The following NOL11 variants were observed in gnomAD, a reference collection of about 807,000 sequenced individuals.
NOL11 encodes nucleolar protein 11.
A neutral mutation model predicts 93.0 loss-of-function variants in NOL11; 42 were observed. The ratio of observed to expected loss-of-function variants is 0.45; its 90% CI spans 0.35 to 0.58. The LOEUF (loss-of-function observed/expected upper bound fraction) is 0.58. Ranked by LOEUF, NOL11 falls within the 20% of genes least tolerant of loss-of-function variation. NOL11 has a pLI of 0.00. For synonymous variants in NOL11, 296 were observed against 293.7 expected, an observed-to-expected ratio of 1.01 and a Z score of -0.08; for missense variants, 775 against 841.8, an observed-to-expected ratio of 0.92 and a Z score of 0.98.
Position 67,734,345 on chromosome 17 carries a change from TTA to T in NOL11, c.854-16_854-15del, listed in dbSNP as rs1222396780. On this transcript the variant is annotated splice_polypyrimidine_tract_variant and intron_variant, in intron 7 of 17. Transcript: ENST00000253247. The stretch of plus-strand genomic sequence containing the variant: ...TTATACTTGGGACTTTTTTCTGAAT[TTA>T]TGTCTTATTTTATAGAATGCCTCTC... 1 of 1,470,392 alleles carries T rather than the reference TTA, an allele frequency of 6.8e-7. No individual in the cohort carries two copies. The highest frequency in any genetic ancestry group is 1.2e-5 in the South Asian group (1 of 86,516). 91.1% of individuals were successfully genotyped at this position (1,470,392 alleles called of 1,614,324 possible).
chr17:67,730,881 C>A (rs1255374603), intron 7 of NOL11, among the ~76,000 whole-genome samples: 1 of 152,212 alleles, frequency 6.6e-6, no homozygotes, highest in Non-Finnish European at 1.5e-5. Flanking sequence ...TTTACATTCC[C>A]ACCGGCATTG....
chr17:67,729,859 G>A (rs1187360116), intron 7 of NOL11, among the ~76,000 whole-genome samples: 3 of 152,142 alleles, frequency 2.0e-5, no homozygotes, highest in Non-Finnish European at 4.4e-5. Flanking sequence ...GATTACAGGC[G>A]TGAGCCACCG....
intron 4 of NOL11, 122 bp from the exon 5 acceptor site, chr17:67,722,458 C>T (rs1017283708): frequency 1.4e-6 from 2 of 1,413,508 alleles, no homozygotes; most frequent in Non-Finnish European, 9.3e-7. Flanking sequence ...ATTAAGTGTT[C>T]TCTGATGTCT....
In NOL11 at chr17:67,726,484, C is replaced by G. The variant is rs781034394; in HGVS notation, c.689C>G (p.Thr230Ser). 1.9e-6 allele frequency: 3 copies of G among 1,612,914 alleles called. No homozygotes were observed. The highest frequency in any genetic ancestry group is 2.5e-6 in the Non-Finnish European group (3 of 1,179,630). ...GGCTCTGATGGTTGTATATATGAAA[C>G]CTTGATACCAATACGTCCAGCTGAC... ...SLSSDGCIYE[T>S]LIPIRPADPE... The change falls in exon 7 of 18, where the codon ACC (threonine) becomes AGC (serine). Residue 230 changes from threonine to serine, a missense_variant. Thr to Ser is a moderately conservative substitution (Grantham distance 58). This residue lies in a region of NOL11 where 359 missense variants were observed against 316.5 expected (regional missense o/e 1.13). Coordinates refer to ENST00000253247, the MANE Select transcript of NOL11 (RefSeq NM_015462.5).
chr17:67,724,268 G>A (rs780044943), intron 6 of NOL11, 75 bp downstream of exon 6: 25 of 865,672 alleles, frequency 2.9e-5, no homozygotes, highest in East Asian at 1.1e-4. Flanking sequence ...TTTTTGAATC[G>A]TAGACTTTGT....
chr17:67,722,415 G>A (rs749903500), intron 4 of NOL11, among the ~76,000 whole-genome samples, 165 bp from the exon 5 acceptor site: 10 of 152,132 alleles, frequency 6.6e-5, no homozygotes, highest in Non-Finnish European at 1.2e-4. Context: ...TGACAAATGC[G>A]TATTGCTTGT....
At chr17:67,722,694 A>C in intron 5 of NOL11, 57 bp downstream of exon 5, 1 of 1,494,986 alleles carries the variant, frequency 6.7e-7, no homozygotes, top group South Asian at 1.3e-5. Flanking sequence ...AAAAAAAAAA[A>C]TTTATTTAGA....
chr17:67,717,980 T>C lies in NOL11; in HGVS notation c.33T>C (p.Ser11=), dbSNP rs1261307052. The change falls in exon 1 of 18, where the codon TCT becomes TCC. Residue 11 remains serine (S), a synonymous_variant. Coordinates refer to ENST00000253247, the MANE Select transcript of NOL11 (RefSeq NM_015462.5). The part of the protein sequence containing the change: MAALEEEFTL[S]SVVLSAGPEG... ...CGCTGGAGGAAGAATTCACGTTGTC[T>C]TCGGTAGTCCTGAGCGCCGGGCCTG... 6 of 1,614,226 alleles carry C rather than the reference T, an allele frequency of 3.7e-6. No individual in the cohort carries two copies. Among genetic ancestry groups the C allele is most frequent in the Non-Finnish European group, 4.2e-6 (5 of 1,180,034 alleles).
In NOL11 at chr17:67,737,896, T is replaced by C. The variant is rs2055217638; in HGVS notation, c.1453T>C (p.Leu485=). The C allele has an allele frequency of 6.2e-7, 1 of 1,613,438 alleles. No homozygotes were observed. Among genetic ancestry groups the C allele is most frequent in the Non-Finnish European group, 8.5e-7 (1 of 1,179,812 alleles). The part of the protein sequence containing the change: ...EIALKKKDVQ[L]LQLCLQQFPD... The stretch of plus-strand genomic sequence containing the variant: ...TGCCTTAAAAAAGAAAGATGTACAG[T>C]TGTTACAACTCTGTCTACAGCAGTT... Residue 485 remains leucine, a synonymous_variant, in exon 13 of 18, where the codon TTG becomes CTG. Transcript: ENST00000253247.
intron 8 of NOL11, among the ~76,000 whole-genome samples, chr17:67,735,474 G>A (rs1371830178): frequency 6.7e-6 from 1 of 148,446 alleles, no homozygotes. Flanking sequence ...TTATTTCCTT[G>A]TTCCCTCAGG....
chr17:67,731,148 A>G (rs2055150782), intron 7 of NOL11, among the ~76,000 whole-genome samples: 1 of 151,834 alleles, frequency 6.6e-6, no homozygotes. Context: ...AGCATTCTTT[A>G]TATATTCTAG....
At chr17:67,733,226 G>C (rs535125923) in intron 7 of NOL11, among the ~76,000 whole-genome samples, 2 of 151,960 alleles carry the variant, frequency 1.3e-5, no homozygotes, top group Non-Finnish European at 2.9e-5. Context: ...TTAGCTGGGC[G>C]TGGTGGCATG....
At chr17:67,731,623 AG>A (rs1347619971) in intron 7 of NOL11, among the ~76,000 whole-genome samples, 71 of 152,356 alleles carry the variant, frequency 4.7e-4, no homozygotes, top group African/African-American at 1.7e-3. Context: ...AAGGTCATAA[AG>A]ACTTATCCCC....
In NOL11 at chr17:67,724,224, T is replaced by A. The variant is rs530298553; in HGVS notation, c.664+31T>A. 4 of 1,360,528 alleles carry A rather than the reference T, an allele frequency of 2.9e-6. No individual in the cohort carries two copies. In the African/African-American group the frequency reaches 5.8e-5, roughly 20 times the overall value. 84.3% of individuals were successfully genotyped at this position (1,360,528 alleles called of 1,614,324 possible). On this transcript the variant is annotated intron_variant, in intron 6 of 17. Transcript: ENST00000253247. The stretch of plus-strand genomic sequence containing the variant: ...TTTTCTTTCTTTAAACTTTCAGAGA[T>A]TATAAATAGAGGATTGTTATAGGAT...
intron 16 of NOL11, among the ~76,000 whole-genome samples, chr17:67,740,292 A>T (rs2143142278): frequency 6.6e-6 from 1 of 151,586 alleles, no homozygotes; most frequent in Middle Eastern, 3.4e-3. Flanking sequence ...ATTCCCAGAG[A>T]ATCCCATGGT....
At chr17:67,721,315 A>G in intron 3 of NOL11, 63 bp from the exon 4 acceptor site, 1 of 1,038,240 alleles carries the variant, frequency 9.6e-7, no homozygotes, top group Non-Finnish European at 1.3e-6. Context: ...CCTTCTCTAA[A>G]TATCCTTATA....
intron 5 of NOL11, among the ~76,000 whole-genome samples, 195 bp downstream of exon 5, chr17:67,722,832 C>T (rs2043228695): frequency 6.6e-6 from 1 of 152,074 alleles, no homozygotes; most frequent in Non-Finnish European, 1.5e-5. Flanking sequence ...GCTGGGACTA[C>T]AGGCATGCAC....
chr17:67,737,209 T>A lies in NOL11; in HGVS notation c.1218+64T>A, dbSNP rs936837526. On this transcript the variant is annotated intron_variant, in intron 11 of 17. Transcript: ENST00000253247. ...AGTGTTCCAAAGAAATCGCATCTAC[T>A]CTTCGTTCTGTCTTATTTTTATGAT... 3 of 960,310 alleles carry A rather than the reference T, an allele frequency of 3.1e-6. No individual in the cohort carries two copies. In the East Asian group the frequency reaches 7.3e-5, roughly 23 times the overall value. 59.5% of individuals were successfully genotyped at this position (960,310 alleles called of 1,614,324 possible).
At chr17:67,741,729 G>C (rs1048341903) in intron 16 of NOL11, among the ~76,000 whole-genome samples, 32 of 151,580 alleles carry the variant, frequency 2.1e-4, no homozygotes, top group Admixed American at 1.9e-3. Flanking sequence ...CCACCACCAT[G>C]CCCCTGTGCT....
Sources: gnomAD v4.1 joint callset for allele counts (sites outside exome capture counted in the v4.1 genomes callset) on GRCh38, gnomAD v4.1.1 for gene constraint, gnomAD v4.1.1 regional missense constraint, MANE v1.5 for transcripts, NCBI Gene and HGNC (gene_info 2026-07-23, HGNC 2026-07-21) for gene names.